Variants in TBKBP1 observed in about 807,000 individuals in gnomAD.
The protein encoded by TBKBP1 is TANK-binding kinase 1-binding protein 1.
In TBKBP1, 47 loss-of-function variants were observed where a neutral mutation model predicts 69.9. The ratio of observed to expected loss-of-function variants is 0.67; its 90% CI spans 0.53 to 0.86. The LOEUF is 0.86. Among genes scored for constraint, TBKBP1 ranks in the 40% least tolerant of loss-of-function variants. TBKBP1 has a pLI of 0.00. For synonymous variants in TBKBP1, 418 were observed against 390.3 expected, an observed-to-expected ratio of 1.07 and a Z score of -0.84; for missense variants, 831 against 858.6, an observed-to-expected ratio of 0.97 and a Z score of 0.40.
rs371163367 is a variant in TBKBP1, at chr17:47,696,191, C to A, written c.79C>A (p.Pro27Thr). 84 of 1,613,716 alleles carry A rather than the reference C, an allele frequency of 5.2e-5. 1 individual carries two copies. The African/African-American group carries it at 8.9e-4, about 17-fold the overall frequency. ...LGPSEVWLDS[P>T]GDPSLGGDMC... ...GCCTAGTGAGGTGTGGCTGGACAGT[C>A]CCGGAGACCCCTCGCTTGGGGGCGA... The change falls in exon 2 of 10, where the codon CCC becomes ACC. Residue 27 changes from proline (P) to threonine (T), a missense_variant. Pro to Thr is a conservative substitution (Grantham distance 38). Transcript: ENST00000578982.
chr17:47,694,722 T>C (rs956132088), intron 1 of TBKBP1: 1 of 142,610 alleles, frequency 7.0e-6, no homozygotes, highest in Non-Finnish European at 1.5e-5. Context: ...CGGGCGGGGG[T>C]CTGGGGGGGT....
At position 47,698,676 on chromosome 17, in the gene TBKBP1, G is replaced by A. The variant is rs768328187; in HGVS notation, c.535G>A (p.Ala179Thr). The A allele has an allele frequency of 6.2e-6, 10 of 1,604,696 alleles. No individual in the cohort carries two copies. In the South Asian group the frequency reaches 1.1e-4, roughly 18 times the overall value. The change falls in exon 5 of 10, where the codon GCC (alanine) becomes ACC (threonine). Residue 179 changes from alanine to threonine, a missense_variant. Ala to Thr is a moderately conservative substitution (Grantham distance 58, BLOSUM62 0). Coordinates refer to ENST00000578982, the MANE Select transcript of TBKBP1 (RefSeq NM_001394755.1). ...GCAACAGCAAGGCCTCCAGGATGCA[G>A]CCTTCTCCAACCTGAGCCCACCGCC... Reference protein sequence around the residue: ...LRQQQGLQDAAFSNLSPPPAP... With the variant: ...LRQQQGLQDATFSNLSPPPAP...
Position 47,708,321 on chromosome 17 carries a change from C to A in TBKBP1, c.873-73C>A. 6.6e-7 allele frequency: 1 copy of A among 1,504,934 alleles called. No homozygotes were observed. The allele number at this position is 1,504,934 out of a possible 1,614,324, so 93.2% of individuals were successfully genotyped here. On this transcript the variant is annotated intron_variant, in intron 7 of 9. Transcript: ENST00000578982. The surrounding 1 kb of genome is among the most constrained non-coding windows in gnomAD (Gnocchi z 4.4). Reference sequence around the variant, plus strand: ...GGTGGGGCCAGATGCTGGGGTAGAGCCAGTTCTTCCTCCACAGCTGGGACG... The same window carrying A: ...GGTGGGGCCAGATGCTGGGGTAGAGACAGTTCTTCCTCCACAGCTGGGACG...
intron 7 of TBKBP1, 90 bp downstream of exon 7, chr17:47,699,787 G>A (rs1271229488): frequency 6.9e-7 from 1 of 1,456,786 alleles, no homozygotes; most frequent in Non-Finnish European, 9.6e-7. Context: ...GGCTGCTGTT[G>A]CTCTGTGTGC....
At position 47,708,880 on chromosome 17, in the gene TBKBP1, C is replaced by T. The variant is rs1277424257; in HGVS notation, c.1147C>T (p.Arg383Cys). ...PVPPCPSPQQ[R>C]RSPASPSCPS... ...GCCCCCGTGCCCCTCGCCGCAGCAG[C>T]GCCGCTCTCCGGCCTCACCCTCCTG... The change falls in exon 9 of 10, where the codon CGC becomes TGC. Residue 383 changes from arginine (R) to cysteine (C), a missense_variant. Transcript: ENST00000578982. The surrounding 1 kb of genome is among the most constrained non-coding windows in gnomAD (Gnocchi z 4.4). 2 of 1,411,582 alleles carry T rather than the reference C, an allele frequency of 1.4e-6. No individual in the cohort carries two copies. Among genetic ancestry groups the T allele is most frequent in the Admixed American group, 2.8e-5 (1 of 35,888 alleles). The allele number at this position is 1,411,582 out of a possible 1,614,324, so 87.4% of individuals were successfully genotyped here. A position where few individuals can be genotyped will look rare whatever the true frequency, so the allele number is the denominator to read the frequency against.
chr17:47,703,701 TC>T (rs2031600311), intron 7 of TBKBP1, among the ~76,000 whole-genome samples: 2 of 149,560 alleles, frequency 1.3e-5, no homozygotes, highest in Admixed American at 6.6e-5. Flanking sequence ...AAAACAAGTT[TC>T]CCCCCTTCTC....
intron 4 of TBKBP1, 92 bp from the exon 5 acceptor site, chr17:47,698,503 C>T: frequency 7.5e-7 from 1 of 1,332,666 alleles, no homozygotes; most frequent in Non-Finnish European, 1.0e-6. Context: ...GATGTGTGAC[C>T]TGGGGCCTCT....
intron 2 of TBKBP1, 23 bp from the exon 3 acceptor site, chr17:47,696,688 C>T (rs1446860575): frequency 6.2e-7 from 1 of 1,613,788 alleles, no homozygotes; most frequent in African/African-American, 1.3e-5. Flanking sequence ...ATCCACTCTC[C>T]TGAAGCTCCA....
At chr17:47,700,712 G>A (rs1004510719) in intron 7 of TBKBP1, among the ~76,000 whole-genome samples, 10 of 152,076 alleles carry the variant, frequency 6.6e-5, no homozygotes, top group Admixed American at 6.5e-5. Flanking sequence ...TCACACAGCC[G>A]TGGGGTGGGG....
chr17:47,705,311 CCT>C (rs1221312164), intron 7 of TBKBP1, among the ~76,000 whole-genome samples: 1 of 152,230 alleles, frequency 6.6e-6, no homozygotes, highest in Non-Finnish European at 1.5e-5. Context: ...AGTAACTTAA[CCT>C]CTGTAAGCCT....
At position 47,699,629 on chromosome 17, in the gene TBKBP1, T is replaced by A; in HGVS notation, c.811-7T>A. ...TTGGGCTCTGACCTCTTCATCTTCT[T>A]CCTTAGGATCTGGCCTCCAACCAGT... On this transcript the variant is annotated splice_polypyrimidine_tract_variant and splice_region_variant and intron_variant, in intron 6 of 9. Coordinates refer to ENST00000578982, the MANE Select transcript of TBKBP1 (RefSeq NM_001394755.1). 1.9e-6 allele frequency: 3 copies of A among 1,613,894 alleles called. No homozygotes were observed. In the South Asian group the frequency reaches 3.3e-5, roughly 18 times the overall value.
Position 47,696,072 on chromosome 17 carries a change from C to G in TBKBP1, c.-34-7C>G. On this transcript the variant is annotated splice_polypyrimidine_tract_variant and splice_region_variant and intron_variant, in intron 1 of 9. Transcript: ENST00000578982. ...GGCCCTGTCCACGGTTGCTCCTGCT[C>G]TCCTAGGAGGCCCCGTGTGGGCCGC... is the stretch of plus-strand genomic sequence containing the variant. The G allele has an allele frequency of 2.0e-6, 3 of 1,534,686 alleles. No individual in the cohort carries two copies.
intron 7 of TBKBP1, 64 bp downstream of exon 7, chr17:47,699,761 AGGGGTGTGGTGTCT>A: frequency 6.3e-7 from 1 of 1,594,450 alleles, no homozygotes; most frequent in South Asian, 1.1e-5. Flanking sequence ...CCCAGCCCTC[AGGGGTGTGGTGTCT>A]GGGCTGCTGT....
rs943453958 is a variant in TBKBP1 at position 47,699,506 on chromosome 17, G to A, written c.810+11G>A. The A allele has an allele frequency of 1.3e-6, 2 of 1,591,708 alleles. No individual in the cohort carries two copies. Among genetic ancestry groups the A allele is most frequent in the African/African-American group, 2.7e-5 (2 of 74,070 alleles). On this transcript the variant is annotated intron_variant, in intron 6 of 9. Transcript: ENST00000578982. ...GAGACCCGGGCCCAGGTAAATGCAG[G>A]GGCCTGGAACAGCTTCTGGAGGTCC...
chr17:47,695,907 G>A, intron 1 of TBKBP1, 172 bp from the exon 2 acceptor site: 2 of 512,960 alleles, frequency 3.9e-6, no homozygotes, highest in Non-Finnish European at 7.0e-6. Flanking sequence ...GCGGCAGAGA[G>A]GATGGGGCTG....
At chr17:47,702,501 C>T (rs571526462) in intron 7 of TBKBP1, among the ~76,000 whole-genome samples, 4 of 152,150 alleles carry the variant, frequency 2.6e-5, no homozygotes, top group East Asian at 3.9e-4. Context: ...CAAGGTTAAC[C>T]GCCCCCACCC....
At position 47,708,315 on chromosome 17, in the gene TBKBP1, G is replaced by A; in HGVS notation, c.873-79G>A. 6.8e-7 allele frequency: 1 copy of A among 1,472,306 alleles called. No individual in the cohort carries two copies. Among genetic ancestry groups the A allele is most frequent in the Admixed American group, 1.8e-5 (1 of 55,358 alleles). The allele number at this position is 1,472,306 out of a possible 1,614,324, so 91.2% of individuals were successfully genotyped here. A position where few individuals can be genotyped will look rare whatever the true frequency, so the allele number is the denominator to read the frequency against. ...GAGCATGGTGGGGCCAGATGCTGGG[G>A]TAGAGCCAGTTCTTCCTCCACAGCT... On this transcript the variant is annotated intron_variant, in intron 7 of 9. Coordinates refer to ENST00000578982, the MANE Select transcript of TBKBP1 (RefSeq NM_001394755.1). This position sits in a 1 kb window ranked among gnomAD's most constrained non-coding sequence, Gnocchi z 4.4.
Position 47,708,796 on chromosome 17 carries a change from C to T in TBKBP1, c.1063C>T (p.Arg355Ter). ...PQCPSPSPPA[R>*]AAPPCPPCQS... ...GTGCCCCTCCCCCTCCCCGCCTGCC[C>T]GAGCGGCTCCCCCGTGCCCCCCGTG... Residue 355 changes from arginine to a stop codon, truncating the protein, a stop_gained, in exon 9 of 10, where the codon CGA becomes TGA. Coordinates refer to ENST00000578982, the MANE Select transcript of TBKBP1 (RefSeq NM_001394755.1). LOFTEE classifies it high-confidence loss of function. This position sits in a 1 kb window ranked among gnomAD's most constrained non-coding sequence, Gnocchi z 4.4. 1.7e-6 allele frequency: 2 copies of T among 1,154,850 alleles called. No individual in the cohort carries two copies. Among genetic ancestry groups the T allele is most frequent in the Non-Finnish European group, 1.2e-6 (1 of 833,474 alleles). The allele number at this position is 1,154,850 out of a possible 1,614,324, so 71.5% of individuals were successfully genotyped here.
chr17:47,698,912 C>T (rs2031368769), intron 5 of TBKBP1, 137 bp downstream of exon 5: 1 of 886,414 alleles, frequency 1.1e-6, no homozygotes, highest in Non-Finnish European at 1.7e-6. Context: ...CCCTTACCTG[C>T]TGTCCCCTCA....
Sources: gnomAD v4.1 joint callset for allele counts (sites outside exome capture counted in the v4.1 genomes callset) on GRCh38, gnomAD v4.1.1 for gene constraint, Gnocchi (gnomAD v3.1) non-coding constraint, MANE v1.5 for transcripts, NCBI Gene and HGNC (gene_info 2026-07-23, HGNC 2026-07-21) for gene names.